ADGRG4: variants seen among roughly 807,000 people sequenced by gnomAD.
ADGRG4 encodes adhesion G protein-coupled receptor G4.
In ADGRG4, 122 loss-of-function variants were observed where a neutral mutation model predicts 126.2. The ratio of observed to expected loss-of-function variants is 0.97; its 90% CI spans 0.83 to 1.12. ADGRG4 has a LOEUF of 1.12. Among genes scored for constraint, ADGRG4 ranks in the 50% most tolerant of loss-of-function variants. ADGRG4 has a pLI of 0.00. For missense variants in ADGRG4, 2,481 were observed against 2,251.8 expected (o/e 1.10, Z -2.06); for synonymous variants, 943 against 838.7 (o/e 1.12, Z -2.15).
intron 13 of ADGRG4, among the ~76,000 whole-genome samples, chrX:136,366,928 G>A (rs1300800598): frequency 9.0e-6 from 1 of 111,062 alleles, no homozygotes; most frequent in Non-Finnish European, 1.9e-5. Flanking sequence ...TTGGAGATGA[G>A]GCCTTTGGGA....
rs1368203297 is a variant in ADGRG4 at position 136,344,703 on chromosome X, A to G, written c.997A>G (p.Ile333Val). Residue 333 changes from isoleucine (I) to valine (V), a missense_variant, in exon 6 of 26, where the codon ATA (isoleucine) becomes GTA (valine). Transcript: ENST00000394143. ...AISLPTQSIS[I>V]DNTTNSMKKT... is the part of the protein sequence containing the mutation. ...CTCTCTGCCTACCCAGAGTATATCC[A>G]TAGACAATACTACCAATTCCATGAA... The G allele has an allele frequency of 3.3e-6, 4 of 1,205,515 alleles. No individual in the cohort carries two copies. Among genetic ancestry groups the G allele is most frequent in the South Asian group, 3.5e-5 (2 of 56,787 alleles).
chrX:136,387,581 T>A (rs746513935), intron 15 of ADGRG4, among the ~76,000 whole-genome samples, 159 bp from the exon 16 acceptor site: 1 of 111,543 alleles, frequency 9.0e-6, no homozygotes, highest in East Asian at 2.8e-4. Context: ...TGTGACTGTG[T>A]GTGTGTGTGT....
chrX:136,379,169 A>G (rs746552024), intron 15 of ADGRG4, among the ~76,000 whole-genome samples: 1 of 111,676 alleles, frequency 9.0e-6, no homozygotes, highest in Non-Finnish European at 1.9e-5. Context: ...GTGGATAGAG[A>G]GCCATTCAGA....
intron 5 of ADGRG4, among the ~76,000 whole-genome samples, chrX:136,330,310 C>T (rs770009461): frequency 9.0e-6 from 1 of 110,797 alleles, no homozygotes; most frequent in East Asian, 2.8e-4. Flanking sequence ...CTAATCTGTT[C>T]CCCATTTCTA....
intron 22 of ADGRG4, among the ~76,000 whole-genome samples, chrX:136,403,608 G>A (rs1245714638): frequency 8.9e-6 from 1 of 112,137 alleles, no homozygotes; most frequent in Non-Finnish European, 1.9e-5. Context: ...TATGATGTAT[G>A]AAATGTGCTC....
intron 15 of ADGRG4, among the ~76,000 whole-genome samples, chrX:136,374,164 AT>A (rs140561186): frequency 8.7e-5 from 9 of 103,272 alleles, no homozygotes; most frequent in Non-Finnish European, 1.6e-4. Context: ...ATGTAGCATA[AT>A]TTTTTTTTTT....
intron 22 of ADGRG4, 121 bp from the exon 23 acceptor site, chrX:136,405,571 G>T: frequency 2.0e-6 from 1 of 511,894 alleles, no homozygotes; most frequent in Non-Finnish European, 2.9e-6. Flanking sequence ...ACTCTGTCCA[G>T]TTCATTTCTC....
chrX:136,344,792 T>C lies in ADGRG4; in HGVS notation c.1086T>C (p.Thr362=). 2 of 1,209,001 alleles carry C rather than the reference T, an allele frequency of 1.7e-6. No individual in the cohort carries two copies. Among genetic ancestry groups the C allele is most frequent in the Non-Finnish European group, 2.2e-6 (2 of 893,214 alleles). ...CAAAAATGGTTGAAGCCATGGCTAC[T>C]GAAATCTTTCAACCACCTACACCTT... ...KTTKMVEAMA[T]EIFQPPTPSN... is the part of the protein sequence containing the mutation. Residue 362 remains threonine (T), a synonymous_variant, in exon 6 of 26, where the codon ACT becomes ACC. Transcript: ENST00000394143.
intron 13 of ADGRG4, among the ~76,000 whole-genome samples, chrX:136,368,830 A>G (rs1208961228): frequency 8.9e-6 from 1 of 112,675 alleles, no homozygotes; most frequent in Non-Finnish European, 1.9e-5. Flanking sequence ...GTAAGTTTAT[A>G]TAATTTAATT....
At chrX:136,331,633 T>C (rs1279520657) in intron 5 of ADGRG4, among the ~76,000 whole-genome samples, 2 of 111,521 alleles carry the variant, frequency 1.8e-5, no homozygotes, top group Non-Finnish European at 3.8e-5. Context: ...TGTAGTGATA[T>C]TTTATTGTGC....
chrX:136,356,365 G>A (rs2075093844), intron 9 of ADGRG4, among the ~76,000 whole-genome samples, 200 bp downstream of exon 9: 1 of 111,325 alleles, frequency 9.0e-6, no homozygotes, highest in Admixed American at 9.6e-5. Flanking sequence ...AACTATCCAT[G>A]TGGCAGCTTT....
intron 5 of ADGRG4, among the ~76,000 whole-genome samples, chrX:136,332,569 A>T (rs1374433134): frequency 9.0e-6 from 1 of 110,765 alleles, no homozygotes; most frequent in Non-Finnish European, 1.9e-5. Flanking sequence ...TAGATCCCTG[A>T]GGAGTCGCCA....
In ADGRG4 at chrX:136,373,059, C is replaced by T. The variant is rs1280491875; in HGVS notation, c.7771C>T (p.Pro2591Ser). 1 of 1,200,291 alleles carries T rather than the reference C, an allele frequency of 8.3e-7. No individual in the cohort carries two copies. The highest frequency in any genetic ancestry group is 1.8e-5 in the South Asian group (1 of 54,628). Residue 2591 changes from proline to serine, a missense_variant, in exon 15 of 26, where the codon CCT becomes TCT. Physicochemically the swap from Pro to Ser is moderately conservative, Grantham distance 74. Transcript: ENST00000394143. ...TCACTCCTATGAAGAAGGCACAGAC[C>T]CTGAGGTGAGTGCAGCTCAGGGAAC... ...SIHSYEEGTD[P>S]EIFLGNVPVG...
intron 13 of ADGRG4, among the ~76,000 whole-genome samples, chrX:136,367,334 G>A (rs923822556): frequency 8.9e-6 from 1 of 112,428 alleles, no homozygotes; most frequent in African/African-American, 3.2e-5. Context: ...ATTATTTCTA[G>A]ATCAGAAACC....
intron 23 of ADGRG4, among the ~76,000 whole-genome samples, chrX:136,411,626 A>T (rs1188641229): frequency 4.4e-5 from 5 of 113,048 alleles, no homozygotes; most frequent in African/African-American, 1.6e-4. Context: ...ACAGTGTCTG[A>T]GGATCAGGAA....
In ADGRG4 at chrX:136,344,700, T is replaced by C. The variant is rs781729533; in HGVS notation, c.994T>C (p.Ser332Pro). The C allele has an allele frequency of 8.3e-7, 1 of 1,202,581 alleles. No homozygotes were observed. Reference sequence around the variant, plus strand: ...CATCTCTCTGCCTACCCAGAGTATATCCATAGACAATACTACCAATTCCAT... The same window carrying C: ...CATCTCTCTGCCTACCCAGAGTATACCCATAGACAATACTACCAATTCCAT... ...SAISLPTQSI[S>P]IDNTTNSMKK... Residue 332 changes from serine (S) to proline (P), a missense_variant, in exon 6 of 26, where the codon TCC (serine) becomes CCC (proline). Physicochemically the swap from Ser to Pro is moderately conservative, Grantham distance 74. Coordinates refer to ENST00000394143, the MANE Select transcript of ADGRG4 (RefSeq NM_153834.4).
In ADGRG4 at chrX:136,387,796, A is replaced by G. The variant is rs200035799; in HGVS notation, c.7833A>G (p.Lys2611=). The change falls in exon 16 of 26, where the codon AAA becomes AAG. Residue 2611 remains lysine, a synonymous_variant. Coordinates refer to ENST00000394143, the MANE Select transcript of ADGRG4 (RefSeq NM_153834.4). Reference sequence around the variant, plus strand: ...TTTTGGCTTCCATATATTTGCCTAAATCACTGACGGAGAGAATTCCTCTTA... The same window carrying G: ...TTTTGGCTTCCATATATTTGCCTAAGTCACTGACGGAGAGAATTCCTCTTA... ...GGILASIYLP[K]SLTERIPLSN... 3.3e-6 allele frequency: 4 copies of G among 1,203,637 alleles called. No homozygotes were observed. Among genetic ancestry groups the G allele is most frequent in the Non-Finnish European group, 4.5e-6 (4 of 889,578 alleles).
At position 136,414,257 on chromosome X, in the gene ADGRG4, T is replaced by C; in HGVS notation, c.9135T>C (p.Thr3045=). Residue 3045 remains threonine, a synonymous_variant, in exon 25 of 26, where the codon ACT becomes ACC. Coordinates refer to ENST00000394143, the MANE Select transcript of ADGRG4 (RefSeq NM_153834.4). ...HKLLTPSLKS[T]ATSSTFKSLG... ...TGTTGACGCCATCTCTCAAGTCAAC[T>C]GCAACTAGCTCCACTTTCAAATCTT... The C allele has an allele frequency of 8.3e-7, 1 of 1,207,243 alleles. No homozygotes were observed. The highest frequency in any genetic ancestry group is 1.1e-6 in the Non-Finnish European group (1 of 891,583).
Position 136,414,154 on chromosome X carries a change from T to C in ADGRG4, c.9038-6T>C. ...ATATTTTTAACTTTTCTTGGTATCATTTCAGATGGGAGCAGCCGGTGTCAG... is the reference window on the plus strand; with the variant it reads ...ATATTTTTAACTTTTCTTGGTATCACTTCAGATGGGAGCAGCCGGTGTCAG... On this transcript the variant is annotated splice_polypyrimidine_tract_variant and splice_region_variant and intron_variant, in intron 24 of 25. Coordinates refer to ENST00000394143, the MANE Select transcript of ADGRG4 (RefSeq NM_153834.4). 8.4e-7 allele frequency: 1 copy of C among 1,184,161 alleles called. No individual in the cohort carries two copies. Among genetic ancestry groups the C allele is most frequent in the Non-Finnish European group, 1.1e-6 (1 of 881,766 alleles).
Sources: allele counts gnomAD v4.1 joint callset (sites outside exome capture counted in the v4.1 genomes callset), GRCh38; gene constraint gnomAD v4.1.1; transcripts MANE v1.5; gene names NCBI Gene and HGNC (gene_info 2026-07-23, HGNC 2026-07-21).